CSRNP3: variants seen among roughly 807,000 people sequenced by gnomAD.
CSRNP3 encodes the protein cysteine/serine-rich nuclear protein 3.
In CSRNP3, 12 loss-of-function variants were observed where a neutral mutation model predicts 48.0. The observed-to-expected ratio is 0.25, with a 90% CI of 0.16 to 0.41. The LOEUF is 0.41. Among genes scored for constraint, CSRNP3 ranks in the 10% least tolerant of loss-of-function variants. CSRNP3 has a pLI of 1.00. For synonymous variants in CSRNP3, 263 were observed against 269.7 expected (o/e 0.98, Z 0.24); for missense variants, 580 against 724.4 (o/e 0.80, Z 2.29).
Position 165,688,344 on chromosome 2 carries a change from T to C in CSRNP3, c.*8591T>C, listed in dbSNP as rs1296573382. On this transcript the variant is annotated 3_prime_UTR_variant, in exon 7 of 7. Coordinates refer to ENST00000651982, the MANE Select transcript of CSRNP3 (RefSeq NM_001172173.2). ...TTTTTAGTTTATTGAATTTCTGGTGTACTAGCCTCTTAAGATAGAACTTTT... is the reference window on the plus strand; with the variant it reads ...TTTTTAGTTTATTGAATTTCTGGTGCACTAGCCTCTTAAGATAGAACTTTT... 1 of 152,172 alleles carries C rather than the reference T, an allele frequency of 6.6e-6. No individual in the cohort carries two copies. Among genetic ancestry groups the C allele is most frequent in the Non-Finnish European group, 1.5e-5 (1 of 68,026 alleles). The allele number at this position is 152,172 out of a possible 1,614,324, so 9.4% of individuals were successfully genotyped here.
chr2:165,512,178 T>A (rs1684515963), intron 2 of CSRNP3, among the ~76,000 whole-genome samples: 1 of 152,174 alleles, frequency 6.6e-6, no homozygotes, highest in Non-Finnish European at 1.5e-5. Context: ...ACCCTGTTGA[T>A]CTTATTTACC....
At chr2:165,475,285 G>A (rs1299585554) in intron 1 of CSRNP3, among the ~76,000 whole-genome samples, 1 of 152,144 alleles carries the variant, frequency 6.6e-6, no homozygotes, top group Non-Finnish European at 1.5e-5. Context: ...TGCCCCCTGT[G>A]CATCCAAATC....
At chr2:165,495,448 G>A (rs1684272500) in intron 2 of CSRNP3, among the ~76,000 whole-genome samples, 1 of 151,968 alleles carries the variant, frequency 6.6e-6, no homozygotes, top group African/African-American at 2.4e-5. Flanking sequence ...TTGAGTAAGG[G>A]CAGCTTTCTT....
chr2:165,554,436 G>A lies in CSRNP3; in HGVS notation c.-24+36475G>A, dbSNP rs141986828. ...CTACCTATTTGACATCTCCACTTGAGTAATAGACATCTCAAAGTTAATTTG... is the reference window on the plus strand; with the variant it reads ...CTACCTATTTGACATCTCCACTTGAATAATAGACATCTCAAAGTTAATTTG... On this transcript the variant is annotated intron_variant, in intron 3 of 6. Coordinates refer to ENST00000651982, the MANE Select transcript of CSRNP3 (RefSeq NM_001172173.2). Among the ~76,000 whole-genome samples, 46 of 152,206 alleles carry A rather than the reference G, an allele frequency of 3.0e-4. No individual in the cohort carries two copies. The East Asian group carries it at 8.5e-3, about 28-fold the overall frequency.
At chr2:165,668,793 T>G (rs1687279655) in intron 5 of CSRNP3, among the ~76,000 whole-genome samples, 1 of 152,194 alleles carries the variant, frequency 6.6e-6, no homozygotes, top group Non-Finnish European at 1.5e-5. Flanking sequence ...TCTTAGAGTG[T>G]ACTGCCACGT....
intron 3 of CSRNP3, among the ~76,000 whole-genome samples, chr2:165,520,901 C>T (rs1389944799): frequency 1.3e-5 from 2 of 148,576 alleles, no homozygotes; most frequent in Admixed American, 1.3e-4. Flanking sequence ...GATCTCGGCT[C>T]ACTGCAGCCT....
At chr2:165,616,977 T>C (rs914313150) in intron 4 of CSRNP3, among the ~76,000 whole-genome samples, 1 of 152,136 alleles carries the variant, frequency 6.6e-6, no homozygotes, top group Non-Finnish European at 1.5e-5. Context: ...TCTTATTTTA[T>C]TCATTGAATT....
intron 4 of CSRNP3, among the ~76,000 whole-genome samples, chr2:165,656,285 T>C (rs1163404176): frequency 1.3e-5 from 2 of 152,196 alleles, no homozygotes; most frequent in African/African-American, 2.4e-5. Flanking sequence ...GATTCTACCA[T>C]GGCTTCTAAT....
chr2:165,679,879 C>T lies in CSRNP3; in HGVS notation c.*126C>T, dbSNP rs978640412. Reference sequence around the variant, plus strand: ...CTTGGACGGTGGTTAATCTTCCAGACTGTATTTTGTTTTTTCCTTTCTAGC... The same window carrying T: ...CTTGGACGGTGGTTAATCTTCCAGATTGTATTTTGTTTTTTCCTTTCTAGC... On this transcript the variant is annotated 3_prime_UTR_variant, in exon 7 of 7. Transcript: ENST00000651982. 1.6e-5 allele frequency: 22 copies of T among 1,348,324 alleles called. No individual in the cohort carries two copies. The highest frequency in any genetic ancestry group is 2.0e-5 in the Non-Finnish European group (20 of 994,250). The allele number at this position is 1,348,324 out of a possible 1,614,324, so 83.5% of individuals were successfully genotyped here. A position where few individuals can be genotyped will look rare whatever the true frequency, so the allele number is the denominator to read the frequency against.
At chr2:165,554,642 A>G (rs1223417032) in intron 3 of CSRNP3, among the ~76,000 whole-genome samples, 1 of 152,176 alleles carries the variant, frequency 6.6e-6, no homozygotes, top group Admixed American at 6.5e-5. Context: ...TCCAACAAAT[A>G]TTCAGAATAA....
rs143404403 is a variant in CSRNP3, at chr2:165,688,198, A to G, written c.*8445A>G. On this transcript the variant is annotated 3_prime_UTR_variant, in exon 7 of 7. Coordinates refer to ENST00000651982, the MANE Select transcript of CSRNP3 (RefSeq NM_001172173.2). ...TTCAAAAGTGTTTGATGTATAATAA[A>G]TGCTAGAAATTTACAGTACAGAAAT... 6.6e-6 allele frequency: 1 copy of G among 152,132 alleles called. No homozygotes were observed. The highest frequency in any genetic ancestry group is 2.1e-4 in the South Asian group (1 of 4,832). 9.4% of individuals were successfully genotyped at this position (152,132 alleles called of 1,614,324 possible). A position where few individuals can be genotyped will look rare whatever the true frequency, so the allele number is the denominator to read the frequency against.
chr2:165,682,492 G>A lies in CSRNP3; in HGVS notation c.*2739G>A, dbSNP rs1478346751. On this transcript the variant is annotated 3_prime_UTR_variant, in exon 7 of 7. Transcript: ENST00000651982. ...CATATCACACACTTAGAGAATGACA[G>A]ATTTCAGGCAATGGCCAATAGTCAG... 1 of 152,114 alleles carries A rather than the reference G, an allele frequency of 6.6e-6. No individual in the cohort carries two copies. The highest frequency in any genetic ancestry group is 2.4e-5 in the African/African-American group (1 of 41,510). The allele number at this position is 152,114 out of a possible 1,614,324, so 9.4% of individuals were successfully genotyped here.
intron 3 of CSRNP3, among the ~76,000 whole-genome samples, chr2:165,563,143 C>G (rs1685255511): frequency 6.6e-6 from 1 of 152,178 alleles, no homozygotes; most frequent in Admixed American, 6.5e-5. Flanking sequence ...TATGTAATGA[C>G]TGGTTCTCTT....
chr2:165,631,948 T>C (rs1001442335), intron 4 of CSRNP3, among the ~76,000 whole-genome samples: 2 of 152,228 alleles, frequency 1.3e-5, no homozygotes, highest in Non-Finnish European at 2.9e-5. Flanking sequence ...CAATCAAATA[T>C]GTGTGAACGT....
At chr2:165,517,629 A>G (rs749998269) in intron 2 of CSRNP3, among the ~76,000 whole-genome samples, 1 of 151,990 alleles carries the variant, frequency 6.6e-6, no homozygotes, top group Non-Finnish European at 1.5e-5. Context: ...ATTGAAAACC[A>G]GATAAATAAA....
At chr2:165,623,832 T>G (rs1033834102) in intron 4 of CSRNP3, among the ~76,000 whole-genome samples, 1 of 152,162 alleles carries the variant, frequency 6.6e-6, no homozygotes, top group Non-Finnish European at 1.5e-5. Flanking sequence ...AGGCTTTTTG[T>G]CTCCTACTGT....
intron 2 of CSRNP3, among the ~76,000 whole-genome samples, chr2:165,498,379 G>GA (rs1397642756): frequency 2.0e-5 from 3 of 151,950 alleles, no homozygotes; most frequent in African/African-American, 7.2e-5. Context: ...TGGACTCCCT[G>GA]AAAAAAAGAT....
At chr2:165,662,045 G>C (rs1267630529) in intron 5 of CSRNP3, among the ~76,000 whole-genome samples, 1 of 151,866 alleles carries the variant, frequency 6.6e-6, no homozygotes, top group African/African-American at 2.4e-5. Context: ...TCATAATGGG[G>C]CTTTAATAGA....
intron 4 of CSRNP3, among the ~76,000 whole-genome samples, chr2:165,623,462 GA>G (rs1686377353): frequency 6.6e-6 from 1 of 152,150 alleles, no homozygotes; most frequent in Non-Finnish European, 1.5e-5. Flanking sequence ...CCAGTCCGTG[GA>G]AAAATTGTCT....
Sources: gnomAD v4.1 joint callset for allele counts (sites outside exome capture counted in the v4.1 genomes callset) on GRCh38, gnomAD v4.1.1 for gene constraint, MANE v1.5 for transcripts, NCBI Gene and HGNC (gene_info 2026-07-23, HGNC 2026-07-21) for gene names.